COL15A1: variants seen among roughly 807,000 people sequenced by gnomAD.
COL15A1 encodes collagen alpha-1(XV) chain.
A neutral mutation model predicts 165.9 loss-of-function variants in COL15A1; 111 were observed. That is an observed-to-expected ratio of 0.67 (90% CI 0.57 to 0.78). The LOEUF (loss-of-function observed/expected upper bound fraction) is 0.78. Ranked by LOEUF, COL15A1 falls within the 30% of genes least tolerant of loss-of-function variation. COL15A1 has a pLI of 0.00. For missense variants in COL15A1, 1,745 were observed against 1,789.7 expected, an observed-to-expected ratio of 0.98 and a Z score of 0.45; for synonymous variants, 659 against 674.8, an observed-to-expected ratio of 0.98 and a Z score of 0.36.
intron 2 of COL15A1, among the ~76,000 whole-genome samples, chr9:98,977,047 A>G (rs1225781246): frequency 2.0e-5 from 3 of 152,220 alleles, no homozygotes; most frequent in African/African-American, 7.2e-5. Context: ...TTGCATGGGA[A>G]ATAGCAGGGT....
chr9:99,046,633 A>G (rs962336248), intron 26 of COL15A1, among the ~76,000 whole-genome samples: 2 of 152,204 alleles, frequency 1.3e-5, no homozygotes, highest in African/African-American at 2.4e-5. Context: ...AATGCCAGAC[A>G]CTTACAAAAC....
chr9:98,981,393 G>T (rs1339477547), intron 2 of COL15A1, among the ~76,000 whole-genome samples: 1 of 151,996 alleles, frequency 6.6e-6, no homozygotes, highest in African/African-American at 2.4e-5. Flanking sequence ...GGAGTCAGAG[G>T]GTGCAGTGAG....
chr9:98,988,209 G>A (rs565806069), intron 4 of COL15A1, among the ~76,000 whole-genome samples: 77 of 152,294 alleles, frequency 5.1e-4, no homozygotes, highest in African/African-American at 1.6e-3. Context: ...AAATGCTGTC[G>A]ATTTCGTTGG....
intron 9 of COL15A1, among the ~76,000 whole-genome samples, chr9:99,010,070 T>C (rs1838825840): frequency 6.6e-6 from 1 of 152,210 alleles, no homozygotes; most frequent in African/African-American, 2.4e-5. Context: ...CCTTGAGGAG[T>C]TGAATAGCTT....
intron 5 of COL15A1, among the ~76,000 whole-genome samples, chr9:98,992,229 G>A (rs988363906): frequency 6.6e-6 from 1 of 152,264 alleles, no homozygotes; most frequent in African/African-American, 2.4e-5. Context: ...ATGGCAGGCT[G>A]CAGGTCCCAA....
chr9:99,022,120 T>A lies in COL15A1; in HGVS notation c.1731T>A (p.Pro577=), dbSNP rs746840394. The A allele has an allele frequency of 4.3e-6, 7 of 1,614,146 alleles. No individual in the cohort carries two copies. The South Asian group carries it at 7.7e-5, about 18-fold the overall frequency. Residue 577 remains proline, a synonymous_variant, in exon 13 of 42, where the codon CCT becomes CCA. Coordinates refer to ENST00000375001, the MANE Select transcript of COL15A1 (RefSeq NM_001855.5). ...KGDAGEELPG[P]PEPSGPVGPT... is the part of the protein sequence containing the mutation. ...ATGCTGGGGAGGAGCTTCCTGGCCC[T>A]CCTGAACCTTCTGGGCCTGTTGGAC...
In COL15A1 at chr9:99,022,121, C is replaced by G; in HGVS notation, c.1732C>G (p.Pro578Ala). The change falls in exon 13 of 42, where the codon CCT (proline) becomes GCT (alanine). Residue 578 changes from proline (P) to alanine (A), a missense_variant. Coordinates refer to ENST00000375001, the MANE Select transcript of COL15A1 (RefSeq NM_001855.5). The part of the protein sequence containing the change: ...GDAGEELPGP[P>A]EPSGPVGPTA... ...TGCTGGGGAGGAGCTTCCTGGCCCT[C>G]CTGAACCTTCTGGGCCTGTTGGACC... 6.2e-7 allele frequency: 1 copy of G among 1,614,160 alleles called. No individual in the cohort carries two copies. Among genetic ancestry groups the G allele is most frequent in the Non-Finnish European group, 8.5e-7 (1 of 1,180,004 alleles).
intron 2 of COL15A1, among the ~76,000 whole-genome samples, chr9:98,972,299 G>T (rs750080377): frequency 6.6e-6 from 1 of 152,034 alleles, no homozygotes; most frequent in Non-Finnish European, 1.5e-5. Flanking sequence ...TCAGATTGAC[G>T]CAGGCAAGAC....
At chr9:99,053,173 T>G (rs1174062501) in intron 31 of COL15A1, among the ~76,000 whole-genome samples, 1 of 152,222 alleles carries the variant, frequency 6.6e-6, no homozygotes, top group Non-Finnish European at 1.5e-5. Flanking sequence ...CCCCCTGTCC[T>G]CACACACCCT....
chr9:99,038,339 T>C (rs1839340618), intron 21 of COL15A1, among the ~76,000 whole-genome samples: 1 of 152,230 alleles, frequency 6.6e-6, no homozygotes, highest in Non-Finnish European at 1.5e-5. Context: ...ATGCCATTTA[T>C]GTAAAATAAC....
In COL15A1 at chr9:99,002,091, C is replaced by T. The variant is rs533446392; in HGVS notation, c.1065+1140C>T. Among the ~76,000 whole-genome samples the T allele has an allele frequency of 1.3e-4, 20 of 150,366 alleles. No individual in the cohort carries two copies. In the East Asian group the frequency reaches 3.7e-3, roughly 28 times the overall value. ...TCTCCATCCCCCTCCCCTCCTCTCC[C>T]CTTTCCCTCTCACCTCCTCCTTCCC... On this transcript the variant is annotated intron_variant, in intron 7 of 41. Coordinates refer to ENST00000375001, the MANE Select transcript of COL15A1 (RefSeq NM_001855.5).
intron 14 of COL15A1, among the ~76,000 whole-genome samples, chr9:99,024,078 G>A (rs1334220558): frequency 6.6e-6 from 1 of 152,070 alleles, no homozygotes; most frequent in Admixed American, 6.5e-5. Flanking sequence ...ATCCCTGGTT[G>A]AAAGCTCCAC....
At chr9:99,068,358 G>T (rs1025145901) in intron 40 of COL15A1, among the ~76,000 whole-genome samples, 197 bp from the exon 41 acceptor site, 1 of 151,802 alleles carries the variant, frequency 6.6e-6, no homozygotes, top group African/African-American at 2.4e-5. Context: ...CCAGCTACTC[G>T]GGAGGCTGAG....
intron 35 of COL15A1, among the ~76,000 whole-genome samples, chr9:99,057,403 A>C: frequency 6.6e-6 from 1 of 152,206 alleles, no homozygotes; most frequent in Admixed American, 6.5e-5. Flanking sequence ...CAGTGACTGG[A>C]ACTCTGTATA....
intron 17 of COL15A1, 29 bp from the exon 18 acceptor site, chr9:99,034,985 A>G: frequency 8.1e-6 from 13 of 1,599,650 alleles, no homozygotes; most frequent in Non-Finnish European, 1.1e-5. Context: ...ACCCAGGGCT[A>G]GATAATCAGC....
At chr9:98,959,833 G>A (rs527383084) in intron 2 of COL15A1, among the ~76,000 whole-genome samples, 2 of 152,054 alleles carry the variant, frequency 1.3e-5, no homozygotes, top group Non-Finnish European at 1.5e-5. Context: ...CTGTCAAAAC[G>A]CTTCCATGTT....
At chr9:98,979,647 T>TTTATTA (rs55884863) in intron 2 of COL15A1, among the ~76,000 whole-genome samples, 8,259 of 149,914 alleles carry the variant, frequency 0.055, 320 homozygotes, top group Non-Finnish European at 0.079. Flanking sequence ...AGGGATTATC[T>TTTATTA]TTATTATTAT....
chr9:98,945,877 T>C (rs1200112280), intron 2 of COL15A1, among the ~76,000 whole-genome samples: 1 of 152,220 alleles, frequency 6.6e-6, no homozygotes, highest in Non-Finnish European at 1.5e-5. Flanking sequence ...TTGGTGTTTC[T>C]TTCTCCTCCT....
intron 2 of COL15A1, among the ~76,000 whole-genome samples, chr9:98,955,827 C>T (rs1321323510): frequency 6.6e-6 from 1 of 152,204 alleles, no homozygotes; most frequent in Non-Finnish European, 1.5e-5. Flanking sequence ...ATAGGCCCAG[C>T]CAACTGCTTC....
Sources: gnomAD v4.1 joint callset for allele counts (sites outside exome capture counted in the v4.1 genomes callset) on GRCh38, gnomAD v4.1.1 for gene constraint, MANE v1.5 for transcripts, NCBI Gene and HGNC (gene_info 2026-07-23, HGNC 2026-07-21) for gene names.